GALNTL6: variants seen among roughly 807,000 people sequenced by gnomAD.
GALNTL6 encodes the protein polypeptide N-acetylgalactosaminyltransferase like 6, also known as polypeptide N-acetylgalactosaminyltransferase-like 6.
GALNTL6 carries 46 observed loss-of-function variants against 73.7 expected under a neutral mutation model. The observed-to-expected ratio is 0.62, with a 90% CI of 0.49 to 0.80. The LOEUF (loss-of-function observed/expected upper bound fraction) is 0.80. GALNTL6 is among the 30% of genes least tolerant of loss of function. GALNTL6 has a pLI of 0.00. For synonymous variants in GALNTL6, 259 were observed against 263.7 expected (o/e 0.98, Z 0.17); for missense variants, 604 against 755.0 (o/e 0.80, Z 2.34).
At chr4:172,384,275 T>A (rs1182158112) in intron 5 of GALNTL6, among the ~76,000 whole-genome samples, 3 of 152,138 alleles carry the variant, frequency 2.0e-5, no homozygotes, top group African/African-American at 7.2e-5. Flanking sequence ...TGTTTCAATC[T>A]CTTTACTTGT....
At chr4:172,636,379 C>A (rs1331437301) in intron 5 of GALNTL6, among the ~76,000 whole-genome samples, 1 of 152,126 alleles carries the variant, frequency 6.6e-6, no homozygotes, top group African/African-American at 2.4e-5. Context: ...ATTCCCAGAC[C>A]TCCAAATGTT....
At chr4:172,009,348 GC>G (rs1298228591) in intron 2 of GALNTL6, among the ~76,000 whole-genome samples, 5 of 152,058 alleles carry the variant, frequency 3.3e-5, no homozygotes, top group Non-Finnish European at 5.9e-5. Flanking sequence ...GTTGCTCCTA[GC>G]CTGGCATGGT....
intron 2 of GALNTL6, among the ~76,000 whole-genome samples, chr4:172,210,308 C>T (rs544419207): frequency 6.6e-6 from 1 of 152,136 alleles, no homozygotes; most frequent in Admixed American, 6.5e-5. Context: ...ATAGTGTTCT[C>T]AACTAAAGTC....
In GALNTL6 at chr4:172,905,238, G is replaced by C. The variant is rs554711854; in HGVS notation, c.1041+22331G>C. Among the ~76,000 whole-genome samples, 7 of 152,214 alleles carry C rather than the reference G, an allele frequency of 4.6e-5. No individual in the cohort carries two copies. The South Asian group carries it at 1.0e-3, about 23-fold the overall frequency. On this transcript the variant is annotated intron_variant, in intron 8 of 12. Coordinates refer to ENST00000506823, the MANE Select transcript of GALNTL6 (RefSeq NM_001034845.3). ...AAAGCAAGGATTCAAATTTGGGTTT[G>C]CTCTCAAAACCATTAACCTAATTTA...
chr4:172,314,395 C>G (rs754695381), intron 4 of GALNTL6, among the ~76,000 whole-genome samples: 1 of 152,122 alleles, frequency 6.6e-6, no homozygotes, highest in East Asian at 1.9e-4. Flanking sequence ...TGAACTTGAT[C>G]TTATTCTAAA....
intron 2 of GALNTL6, among the ~76,000 whole-genome samples, chr4:172,010,936 G>C (rs1217241310): frequency 6.6e-6 from 1 of 151,970 alleles, no homozygotes; most frequent in African/African-American, 2.4e-5. Flanking sequence ...TAAGATGGAT[G>C]CTATATATTC....
chr4:172,869,310 T>C (rs1744807627), intron 7 of GALNTL6, among the ~76,000 whole-genome samples: 1 of 152,010 alleles, frequency 6.6e-6, no homozygotes, highest in Non-Finnish European at 1.5e-5. Flanking sequence ...CAATAAACAG[T>C]AAGGAAACTG....
intron 5 of GALNTL6, among the ~76,000 whole-genome samples, chr4:172,597,463 T>A (rs1737899017): frequency 6.6e-6 from 1 of 152,210 alleles, no homozygotes; most frequent in South Asian, 2.1e-4. Context: ...AGGCTCAGCA[T>A]CTTTTGTGTC....
chr4:172,451,758 C>A (rs1338430964), intron 5 of GALNTL6, among the ~76,000 whole-genome samples: 2 of 152,158 alleles, frequency 1.3e-5, no homozygotes, highest in African/African-American at 4.8e-5. Context: ...GTAATCCCAG[C>A]ACTTTGGGAG....
intron 2 of GALNTL6, among the ~76,000 whole-genome samples, chr4:172,113,164 A>AC (rs1732900747): frequency 6.6e-6 from 1 of 151,960 alleles, no homozygotes; most frequent in Non-Finnish European, 1.5e-5. Flanking sequence ...ACTGCATTCA[A>AC]CATTTTTTAT....
chr4:172,426,888 TCTC>T (rs1731250254), intron 5 of GALNTL6, among the ~76,000 whole-genome samples: 1 of 148,236 alleles, frequency 6.7e-6, no homozygotes, highest in Non-Finnish European at 1.5e-5. Context: ...ACAGAAACAT[TCTC>T]TAGCCAATTC....
intron 2 of GALNTL6, among the ~76,000 whole-genome samples, chr4:171,948,004 A>G (rs147781422): frequency 6.6e-6 from 1 of 152,168 alleles, no homozygotes; most frequent in Admixed American, 6.5e-5. Context: ...TTTTCTTCCC[A>G]TTTCTCACTT....
intron 2 of GALNTL6, among the ~76,000 whole-genome samples, chr4:172,200,322 G>A (rs1464677179): frequency 1.3e-5 from 2 of 152,140 alleles, no homozygotes; most frequent in Admixed American, 1.3e-4. Context: ...TGGAGTTTTA[G>A]GACTGCTGCT....
intron 3 of GALNTL6, among the ~76,000 whole-genome samples, chr4:172,254,609 T>G (rs1327549481): frequency 6.6e-6 from 1 of 151,780 alleles, no homozygotes; most frequent in Non-Finnish European, 1.5e-5. Context: ...TTATGTTTTA[T>G]GTATAGAACA....
At chr4:172,811,651 A>G (rs900843427) in intron 6 of GALNTL6, among the ~76,000 whole-genome samples, 12 of 152,294 alleles carry the variant, frequency 7.9e-5, no homozygotes, top group African/African-American at 2.6e-4. Flanking sequence ...CAGATTAACT[A>G]GAAATGGTGC....
intron 5 of GALNTL6, among the ~76,000 whole-genome samples, chr4:172,604,088 A>G (rs754004387): frequency 6.6e-6 from 1 of 152,234 alleles, no homozygotes; most frequent in Non-Finnish European, 1.5e-5. Flanking sequence ...TAGTAACATC[A>G]TGCTATGTCA....
chr4:172,225,257 G>T (rs927388662), intron 2 of GALNTL6, among the ~76,000 whole-genome samples: 3 of 152,038 alleles, frequency 2.0e-5, no homozygotes, highest in Admixed American at 6.6e-5. Flanking sequence ...CCATCTACTG[G>T]ATGGTTAAGC....
At chr4:171,943,581 T>C (rs1738614905) in intron 2 of GALNTL6, among the ~76,000 whole-genome samples, 1 of 152,206 alleles carries the variant, frequency 6.6e-6, no homozygotes, top group Non-Finnish European at 1.5e-5. Context: ...CAACTAACTC[T>C]CAACTTACTT....
chr4:172,118,331 T>C (rs1018350232), intron 2 of GALNTL6, among the ~76,000 whole-genome samples: 1 of 152,154 alleles, frequency 6.6e-6, no homozygotes, highest in Admixed American at 6.6e-5. Flanking sequence ...TAAAGTTTCA[T>C]AGTATTAACA....
Sources: allele counts gnomAD v4.1 joint callset (sites outside exome capture counted in the v4.1 genomes callset), GRCh38; gene constraint gnomAD v4.1.1; transcripts MANE v1.5; gene names NCBI Gene and HGNC (gene_info 2026-07-23, HGNC 2026-07-21).